GARNL3: variants seen among roughly 807,000 people sequenced by gnomAD.
GARNL3 encodes GTPase activating Rap/RanGAP domain like 3.
Under a neutral mutation model 125.0 loss-of-function variants are expected in GARNL3, and 63 were observed. That is an observed-to-expected ratio of 0.50 (90% CI 0.41 to 0.62). The LOEUF (loss-of-function observed/expected upper bound fraction) is 0.62, where lower values mean the gene tolerates loss of function less well. GARNL3 is among the 20% of genes least tolerant of loss of function. GARNL3 has a pLI of 0.00. For missense variants in GARNL3, 994 were observed against 1,244.0 expected (o/e 0.80, Z 3.02); for synonymous variants, 439 against 457.5 (o/e 0.96, Z 0.52).
intron 22 of GARNL3, among the ~76,000 whole-genome samples, chr9:127,378,535 C>T (rs546211905): frequency 1.4e-4 from 21 of 146,452 alleles, no homozygotes; most frequent in African/African-American, 3.5e-4. Flanking sequence ...TGTGGTGAGC[C>T]GAGATCGTGC....
chr9:127,302,016 C>T (rs1471640005), intron 2 of GARNL3, among the ~76,000 whole-genome samples: 6 of 135,438 alleles, frequency 4.4e-5, no homozygotes, highest in Admixed American at 2.5e-4. Context: ...GATCTCGGCT[C>T]ACTGCAAGCT....
intron 21 of GARNL3, among the ~76,000 whole-genome samples, chr9:127,358,276 G>C (rs114079603): frequency 0.015 from 2,229 of 152,330 alleles, 65 homozygotes; most frequent in African/African-American, 0.05. Context: ...GCCCACGTAT[G>C]TATCTCTGTG....
chr9:127,313,364 C>T lies in GARNL3; in HGVS notation c.320-77C>T. 4 of 1,000,976 alleles carry T rather than the reference C, an allele frequency of 4.0e-6. No homozygotes were observed. The Admixed American group carries it at 6.8e-5, about 17-fold the overall frequency. 62.0% of individuals were successfully genotyped at this position (1,000,976 alleles called of 1,614,324 possible). A position where few individuals can be genotyped will look rare whatever the true frequency, so the allele number is the denominator to read the frequency against. ...CTGAGCATGTGGGAAGGGCTGGACA[C>T]CACCTGCAGTGTCCTCTACCATCTG... is the stretch of plus-strand genomic sequence containing the variant. On this transcript the variant is annotated intron_variant, in intron 3 of 27. Transcript: ENST00000373387.
intron 1 of GARNL3, among the ~76,000 whole-genome samples, chr9:127,233,968 T>C (rs2063066621): frequency 1.3e-5 from 2 of 152,254 alleles, no homozygotes; most frequent in African/African-American, 2.4e-5. Flanking sequence ...GTGAGCTTTT[T>C]TCACAGTCTT....
intron 1 of GARNL3, among the ~76,000 whole-genome samples, chr9:127,269,531 A>G (rs2063771909): frequency 6.6e-6 from 1 of 152,180 alleles, no homozygotes; most frequent in South Asian, 2.1e-4. Context: ...TTACATTTCC[A>G]CCAGCAATGC....
At chr9:127,312,687 A>G (rs2065127600) in intron 3 of GARNL3, among the ~76,000 whole-genome samples, 1 of 152,222 alleles carries the variant, frequency 6.6e-6, no homozygotes, top group Non-Finnish European at 1.5e-5. Context: ...GCAGACCTAA[A>G]TGATGCCTTT....
intron 2 of GARNL3, chr9:127,243,294 A>G (rs1222730810): frequency 7.5e-7 from 1 of 1,340,858 alleles, no homozygotes; most frequent in South Asian, 1.1e-5. Context: ...GTTTATGTTC[A>G]CTATAGCTTG....
At chr9:127,358,957 A>G (rs1399705707) in intron 21 of GARNL3, among the ~76,000 whole-genome samples, 4 of 140,192 alleles carry the variant, frequency 2.9e-5, no homozygotes, top group African/African-American at 9.8e-5. Context: ...AGCCAATTAT[A>G]TCAGAATCTG....
chr9:127,276,214 C>G (rs2063951965), intron 1 of GARNL3, among the ~76,000 whole-genome samples: 1 of 151,810 alleles, frequency 6.6e-6, no homozygotes, highest in Non-Finnish European at 1.5e-5. Flanking sequence ...TCTCGGACTC[C>G]TGGTCTCAAG....
chr9:127,356,272 G>C (rs1410578958), intron 20 of GARNL3, among the ~76,000 whole-genome samples: 2 of 152,186 alleles, frequency 1.3e-5, no homozygotes, highest in African/African-American at 4.8e-5. Flanking sequence ...AAAGGTTGGT[G>C]GCTTTGGTAG....
At chr9:127,347,664 A>G (rs1189810645) in intron 16 of GARNL3, among the ~76,000 whole-genome samples, 3 of 152,116 alleles carry the variant, frequency 2.0e-5, no homozygotes, top group African/African-American at 7.2e-5. Context: ...TCTTCTCCCT[A>G]TTGACATTTA....
At chr9:127,300,811 C>T in intron 2 of GARNL3, 1 of 382,840 alleles carries the variant, frequency 2.6e-6, no homozygotes, top group Non-Finnish European at 5.0e-6. Flanking sequence ...AAATTCTTCT[C>T]TAACCATTAT....
chr9:127,311,639 G>T lies in GARNL3; in HGVS notation c.223G>T (p.Ala75Ser). Residue 75 changes from alanine to serine, a missense_variant, in exon 3 of 28, where the codon GCA becomes TCA. Coordinates refer to ENST00000373387, the MANE Select transcript of GARNL3 (RefSeq NM_032293.5). ...RVENGSSDENATALPGTWRRT... is the reference protein window; with the variant it reads ...RVENGSSDENSTALPGTWRRT... The stretch of plus-strand genomic sequence containing the variant: ...TCACAACTTTGTTCCATTACAGAAT[G>T]CAACTGCCCTGCCTGGTACTTGGCG... The T allele has an allele frequency of 6.2e-7, 1 of 1,611,996 alleles. No homozygotes were observed. The highest frequency in any genetic ancestry group is 8.5e-7 in the Non-Finnish European group (1 of 1,178,102).
In GARNL3 at chr9:127,248,810, A is replaced by G. The variant is rs183932151; in HGVS notation, c.143+5561A>G. ...TTTTTGGTAGAGACATGGTTTCGCCATGTTGCCCGGGCTGGTCTTGAACTC... is the reference window on the plus strand; with the variant it reads ...TTTTTGGTAGAGACATGGTTTCGCCGTGTTGCCCGGGCTGGTCTTGAACTC... On this transcript the variant is annotated intron_variant, in intron 2 of 10. Coordinates refer to the GARNL3 transcript ENST00000439286. Among the ~76,000 whole-genome samples, 6 of 151,732 alleles carry G rather than the reference A, an allele frequency of 4.0e-5. No homozygotes were observed. The East Asian group carries it at 9.7e-4, about 25-fold the overall frequency.
At chr9:127,315,086 G>A (rs551475171) in intron 4 of GARNL3, among the ~76,000 whole-genome samples, 261 of 152,354 alleles carry the variant, frequency 1.7e-3, no homozygotes, top group African/African-American at 5.7e-3. Flanking sequence ...AAGTGCCAGT[G>A]CCTTCACCCA....
intron 2 of GARNL3, among the ~76,000 whole-genome samples, chr9:127,244,368 AG>A: frequency 6.6e-6 from 1 of 152,250 alleles, no homozygotes; most frequent in Non-Finnish European, 1.5e-5. Context: ...CTTTAAAACA[AG>A]GATGCCACAA....
intron 21 of GARNL3, 68 bp downstream of exon 21, chr9:127,357,445 T>TG (rs1830750036): frequency 7.0e-7 from 1 of 1,424,650 alleles, no homozygotes; most frequent in Non-Finnish European, 9.7e-7. Context: ...ATTCTAACCC[T>TG]GACATGCCAT....
intron 2 of GARNL3, among the ~76,000 whole-genome samples, chr9:127,249,396 C>A (rs2063361065): frequency 6.6e-6 from 1 of 151,790 alleles, no homozygotes. Context: ...CCAGCCCGGG[C>A]AACATGATGA....
chr9:127,355,221 A>G, intron 19 of GARNL3, 76 bp from the exon 20 acceptor site: 1 of 1,232,360 alleles, frequency 8.1e-7, no homozygotes, highest in Non-Finnish European at 1.2e-6. Context: ...GTTCCTAGGT[A>G]TTGCCAAATT....
Sources: allele counts gnomAD v4.1 joint callset (sites outside exome capture counted in the v4.1 genomes callset), GRCh38; gene constraint gnomAD v4.1.1; transcripts MANE v1.5; gene names NCBI Gene and HGNC (gene_info 2026-07-23, HGNC 2026-07-21).